MAGI2: variants seen among roughly 807,000 people sequenced by gnomAD.
MAGI2 encodes membrane-associated guanylate kinase, WW and PDZ domain-containing protein 2.
In MAGI2, 35 loss-of-function variants were observed where a neutral mutation model predicts 133.3. That is an observed-to-expected ratio of 0.26 (90% CI 0.20 to 0.35). The LOEUF (loss-of-function observed/expected upper bound fraction) is 0.35. Among genes scored for constraint, MAGI2 ranks in the 10% least tolerant of loss-of-function variants. The pLI, the probability that MAGI2 is intolerant of heterozygous loss-of-function variation, is 1.00. For synonymous variants in MAGI2, 729 were observed against 710.6 expected, an observed-to-expected ratio of 1.03 and a Z score of -0.41; for missense variants, 1,636 against 1,863.4, an observed-to-expected ratio of 0.88 and a Z score of 2.25.
intron 2 of MAGI2, among the ~76,000 whole-genome samples, chr7:78,699,961 C>T (rs56165236): frequency 0.05 from 7,588 of 151,976 alleles, 277 homozygotes; most frequent in Non-Finnish European, 0.077. Flanking sequence ...AAATAAAAAC[C>T]ATGAATTTCT....
At chr7:78,714,065 G>A (rs1472394929) in intron 2 of MAGI2, among the ~76,000 whole-genome samples, 1 of 115,832 alleles carries the variant, frequency 8.6e-6, no homozygotes, top group Non-Finnish European at 1.9e-5. Flanking sequence ...GATATGTGTT[G>A]TGGGGGGAAG....
At chr7:78,969,125 G>T (rs934610942) in intron 2 of MAGI2, among the ~76,000 whole-genome samples, 3 of 152,042 alleles carry the variant, frequency 2.0e-5, no homozygotes, top group African/African-American at 7.2e-5. Context: ...GTGTGTCGGG[G>T]TCATGGCGCA....
In MAGI2 at chr7:79,124,507, C is replaced by T. The variant is rs62460843; in HGVS notation, c.302-117301G>A. On this transcript the variant is annotated intron_variant, in intron 1 of 21. Transcript: ENST00000354212. Reference sequence around the variant, plus strand: ...TTAGGTCTACTGACTCCCAAGTTTGCGCTGTCAATCATGGAGTTATATAGT... The same window carrying T: ...TTAGGTCTACTGACTCCCAAGTTTGTGCTGTCAATCATGGAGTTATATAGT... Among the ~76,000 whole-genome samples, 364 of 152,256 alleles carry T rather than the reference C, an allele frequency of 2.4e-3. 1 individual carries two copies. Among genetic ancestry groups the T allele is most frequent in the Non-Finnish European group, 2.4e-3 (164 of 68,006 alleles).
intron 1 of MAGI2, among the ~76,000 whole-genome samples, chr7:79,080,249 C>G (rs1284941295): frequency 1.3e-5 from 2 of 152,038 alleles, no homozygotes; most frequent in Non-Finnish European, 2.9e-5. Context: ...CATTTTTCGA[C>G]AGTCCAAAAT....
At chr7:78,979,863 C>G (rs1804630169) in intron 2 of MAGI2, among the ~76,000 whole-genome samples, 1 of 151,908 alleles carries the variant, frequency 6.6e-6, no homozygotes, top group African/African-American at 2.4e-5. Context: ...TCTGTAATAT[C>G]TTTGCAATCT....
chr7:78,475,331 C>A (rs1380097207), intron 6 of MAGI2, among the ~76,000 whole-genome samples: 2 of 151,840 alleles, frequency 1.3e-5, no homozygotes, highest in East Asian at 3.9e-4. Context: ...ATATGGAAAG[C>A]AAGGTAAAAG....
At chr7:78,062,770 G>A (rs1317891388) in intron 21 of MAGI2, among the ~76,000 whole-genome samples, 2 of 152,048 alleles carry the variant, frequency 1.3e-5, no homozygotes, top group African/African-American at 4.8e-5. Context: ...CCTGTTTCTG[G>A]GCTTCCTCAC....
intron 10 of MAGI2, among the ~76,000 whole-genome samples, chr7:78,244,509 G>A (rs1791550912): frequency 6.6e-6 from 1 of 152,106 alleles, no homozygotes; most frequent in South Asian, 2.1e-4. Context: ...TATCTGCAAG[G>A]AATAGATAAC....
chr7:78,621,719 G>A (rs532033283), intron 3 of MAGI2, among the ~76,000 whole-genome samples: 1 of 152,086 alleles, frequency 6.6e-6, no homozygotes, highest in South Asian at 2.1e-4. Context: ...GGAAGTAACA[G>A]AATTGCTCTT....
chr7:78,650,295 A>G (rs1314461747), intron 2 of MAGI2, among the ~76,000 whole-genome samples: 1 of 152,146 alleles, frequency 6.6e-6, no homozygotes, highest in East Asian at 1.9e-4. Context: ...ACTCAATCAT[A>G]AAAATGTTCT....
chr7:79,282,296 G>A (rs980469138), intron 1 of MAGI2, among the ~76,000 whole-genome samples: 5 of 152,134 alleles, frequency 3.3e-5, no homozygotes, highest in African/African-American at 1.2e-4. Context: ...GAGAGCTGCG[G>A]CAGGCTTGCT....
At chr7:78,322,445 T>C (rs886825724) in intron 9 of MAGI2, among the ~76,000 whole-genome samples, 2 of 152,134 alleles carry the variant, frequency 1.3e-5, no homozygotes, top group Non-Finnish European at 2.9e-5. Flanking sequence ...AAAGGATATG[T>C]TTCTGTCCTT....
At chr7:78,846,394 C>A (rs763437716) in intron 2 of MAGI2, among the ~76,000 whole-genome samples, 1 of 151,882 alleles carries the variant, frequency 6.6e-6, no homozygotes, top group Non-Finnish European at 1.5e-5. Flanking sequence ...GGGTATATAG[C>A]AAGTCTTCAT....
chr7:78,560,404 G>A (rs1412419502), intron 3 of MAGI2, among the ~76,000 whole-genome samples: 1 of 152,154 alleles, frequency 6.6e-6, no homozygotes, highest in Non-Finnish European at 1.5e-5. Context: ...CCATGAAAGT[G>A]GATAGAGTTT....
chr7:79,255,368 C>T (rs1348374166), intron 1 of MAGI2, among the ~76,000 whole-genome samples: 1 of 152,132 alleles, frequency 6.6e-6, no homozygotes, highest in East Asian at 1.9e-4. Context: ...TTGGCATGTT[C>T]ATGAGATCTG....
chr7:78,374,118 T>G (rs1441674709), intron 6 of MAGI2, among the ~76,000 whole-genome samples: 7 of 152,212 alleles, frequency 4.6e-5, no homozygotes. Flanking sequence ...GTATACCCTG[T>G]AACAGGATTG....
chr7:78,220,208 C>T (rs1472790587), intron 10 of MAGI2, among the ~76,000 whole-genome samples: 1 of 152,180 alleles, frequency 6.6e-6, no homozygotes, highest in African/African-American at 2.4e-5. Context: ...CCATTTCTAC[C>T]TAGAACTCCT....
intron 3 of MAGI2, among the ~76,000 whole-genome samples, chr7:78,569,271 T>C (rs1338226763): frequency 6.6e-6 from 1 of 152,220 alleles, no homozygotes; most frequent in Non-Finnish European, 1.5e-5. Flanking sequence ...ACAAGCTTTA[T>C]GAGATCAATA....
intron 9 of MAGI2, among the ~76,000 whole-genome samples, chr7:78,342,542 A>G (rs1182782023): frequency 1.3e-5 from 2 of 152,214 alleles, no homozygotes; most frequent in Non-Finnish European, 2.9e-5. Flanking sequence ...CACAATAGCA[A>G]AGACTTGGAA....
Sources: gnomAD v4.1 joint callset for allele counts (sites outside exome capture counted in the v4.1 genomes callset) on GRCh38, gnomAD v4.1.1 for gene constraint, MANE v1.5 for transcripts, NCBI Gene and HGNC (gene_info 2026-07-23, HGNC 2026-07-21) for gene names.